Variants in EFHC1 observed in about 807,000 individuals in gnomAD.
EFHC1 encodes the protein EF-hand domain containing 1.
In EFHC1, 53 loss-of-function variants were observed where a neutral mutation model predicts 69.9. The ratio of observed to expected loss-of-function variants is 0.76; its 90% confidence interval spans 0.61 to 0.95. The LOEUF is 0.95. Ranked by LOEUF, EFHC1 falls within the 40% of genes least tolerant of loss-of-function variation. The pLI is 0.00. For missense variants in EFHC1, 739 were observed against 798.7 expected (o/e 0.93, Z 0.90); for synonymous variants, 256 against 278.4 (o/e 0.92, Z 0.80).
In EFHC1 at chr6:52,420,405, G is replaced by C. The variant is rs1764160216; in HGVS notation, c.-6G>C. The C allele has an allele frequency of 1.2e-5, 20 of 1,614,246 alleles. No homozygotes were observed. Among genetic ancestry groups the C allele is most frequent in the South Asian group, 3.3e-5 (3 of 91,088 alleles). The stretch of plus-strand genomic sequence containing the variant: ...GACCTAGGTGGCGGCGGTGGTACCG[G>C]CTGCAATGGTGTCCAATCCCGTGCA... On this transcript the variant is annotated 5_prime_UTR_variant, in exon 1 of 11. Coordinates refer to ENST00000371068, the MANE Select transcript of EFHC1 (RefSeq NM_018100.4).
chr6:52,496,750 C>CCAA lies in EFHC1; in HGVS notation c.*4411_*4413dup, dbSNP rs1228232244. On this transcript the variant is annotated 3_prime_UTR_variant, in exon 11 of 11. Transcript: ENST00000371068. ...CTAGCTTCTCATGGCAGAGCAGGAC[C>CCAA]CAACTCTACAATGAAGCTTGCCATG... 5.9e-5 allele frequency: 9 copies of CCAA among 152,272 alleles called. No homozygotes were observed. The highest frequency in any genetic ancestry group is 5.2e-4 in the Admixed American group (8 of 15,300). The allele number at this position is 152,272 out of a possible 1,614,324, so 9.4% of individuals were successfully genotyped here.
intron 5 of EFHC1, among the ~76,000 whole-genome samples, chr6:52,459,252 T>G (rs543032769): frequency 2.3e-4 from 35 of 152,288 alleles, no homozygotes; most frequent in Admixed American, 1.1e-3. Flanking sequence ...AAGTTTTGCT[T>G]TTCAAAAGAC....
chr6:52,481,570 CA>C (rs1181783441), intron 9 of EFHC1: 2 of 151,486 alleles, frequency 1.3e-5, no homozygotes, highest in Non-Finnish European at 2.9e-5. Context: ...CCCAGGCTGG[CA>C]TGCAGTGCCA....
In EFHC1 at chr6:52,490,730, G is replaced by A. The variant is rs561251444; in HGVS notation, c.1851+380G>A. 79 of 372,744 alleles carry A rather than the reference G, an allele frequency of 2.1e-4. 2 individuals are homozygous for A. The South Asian group carries it at 4.2e-3, about 20-fold the overall frequency. 23.1% of individuals were successfully genotyped at this position (372,744 alleles called of 1,614,324 possible). On this transcript the variant is annotated intron_variant, in intron 10 of 10. Coordinates refer to ENST00000371068, the MANE Select transcript of EFHC1 (RefSeq NM_018100.4). ...CCCTTCACAGCTGATACCTACACTGGCCCATCAGTAGGGTTAGCATGAAAG... is the reference window on the plus strand; with the variant it reads ...CCCTTCACAGCTGATACCTACACTGACCCATCAGTAGGGTTAGCATGAAAG...
chr6:52,453,545 G>A (rs1764965597), intron 4 of EFHC1: 1 of 1,275,196 alleles, frequency 7.8e-7, no homozygotes, highest in Admixed American at 2.4e-5. Flanking sequence ...TAAGGATTTT[G>A]TTCATATCAG....
At chr6:52,454,020 A>G (rs1437003065) in intron 4 of EFHC1, 75 bp from the exon 5 acceptor site, 7 of 1,608,908 alleles carry the variant, frequency 4.4e-6, no homozygotes, top group Non-Finnish European at 5.1e-6. Flanking sequence ...CATCGTTGAT[A>G]CATAATTGCC....
intron 5 of EFHC1, 117 bp from the exon 6 acceptor site, chr6:52,464,778 A>G: frequency 1.2e-6 from 1 of 833,762 alleles, no homozygotes; most frequent in Non-Finnish European, 2.0e-6. Context: ...CTGACTCTTG[A>G]CCAGAGCAAA....
chr6:52,450,222 G>C (rs556836051), intron 3 of EFHC1, among the ~76,000 whole-genome samples: 2 of 152,210 alleles, frequency 1.3e-5, no homozygotes, highest in African/African-American at 4.8e-5. Flanking sequence ...TTTTCTGTTT[G>C]ATTATGTGGT....
Position 52,494,935 on chromosome 6 carries a change from A to G in EFHC1, c.*2594A>G. 2.2e-6 allele frequency: 1 copy of G among 451,900 alleles called. No individual in the cohort carries two copies. Among genetic ancestry groups the G allele is most frequent in the South Asian group, 1.6e-5 (1 of 64,368 alleles). 28.0% of individuals were successfully genotyped at this position (451,900 alleles called of 1,614,324 possible). On this transcript the variant is annotated 3_prime_UTR_variant, in exon 11 of 11. Transcript: ENST00000371068. ...TAGATATACTTCATTTAAAAAATCT[A>G]ATCCACCATTGATTGGCACCTAGGT...
At chr6:52,431,193 A>G (rs962175157) in intron 2 of EFHC1, among the ~76,000 whole-genome samples, 2 of 151,318 alleles carry the variant, frequency 1.3e-5, no homozygotes, top group African/African-American at 4.9e-5. Flanking sequence ...GTTTATTTCA[A>G]TTTCATTTGT....
rs1327641197 is a variant in EFHC1 at position 52,492,356 on chromosome 6, A to T, written c.*15A>T. 1 of 1,611,574 alleles carries T rather than the reference A, an allele frequency of 6.2e-7. No individual in the cohort carries two copies. Reference sequence around the variant, plus strand: ...TCTCAAACTGACCTGCTGATGAGAAAATGCAAGACAATTTTTGATACTGGA... The same window carrying T: ...TCTCAAACTGACCTGCTGATGAGAATATGCAAGACAATTTTTGATACTGGA... On this transcript the variant is annotated 3_prime_UTR_variant, in exon 11 of 11. Transcript: ENST00000371068.
intron 7 of EFHC1, among the ~76,000 whole-genome samples, chr6:52,477,546 C>G (rs1339399522): frequency 6.6e-6 from 1 of 152,090 alleles, no homozygotes; most frequent in Non-Finnish European, 1.5e-5. Context: ...GGCTAATATC[C>G]AGCATCTACA....
rs535480481 is a variant in EFHC1, at chr6:52,495,056, G to A, written c.*2715G>A. The A allele has an allele frequency of 4.2e-5, 19 of 454,018 alleles. No individual in the cohort carries two copies. Among genetic ancestry groups the A allele is most frequent in the African/African-American group, 3.4e-4 (17 of 50,074 alleles). 28.1% of individuals were successfully genotyped at this position (454,018 alleles called of 1,614,324 possible). A position where few individuals can be genotyped will look rare whatever the true frequency, so the allele number is the denominator to read the frequency against. On this transcript the variant is annotated 3_prime_UTR_variant, in exon 11 of 11. Transcript: ENST00000371068. ...CAGTGCACCACTCTCAGATGGACGG[G>A]ACCCAGTCTGTACCTGATCACCCCG...
intron 1 of EFHC1, among the ~76,000 whole-genome samples, chr6:52,423,269 A>G (rs954960081): frequency 3.9e-5 from 6 of 152,230 alleles, no homozygotes; most frequent in Non-Finnish European, 7.3e-5. Context: ...TCTAGGTTCT[A>G]CAGTTTTTAC....
At chr6:52,490,110 T>A in intron 9 of EFHC1, 30 bp from the exon 10 acceptor site, 1 of 1,594,768 alleles carries the variant, frequency 6.3e-7, no homozygotes, top group Non-Finnish European at 8.6e-7. Flanking sequence ...ATAAATACCA[T>A]GTGCAGTCAT....
chr6:52,463,766 A>T (rs1304661741), intron 5 of EFHC1, among the ~76,000 whole-genome samples: 2 of 152,228 alleles, frequency 1.3e-5, no homozygotes, highest in Non-Finnish European at 2.9e-5. Context: ...TAATATAATC[A>T]CAAGCTATGT....
At chr6:52,457,282 G>C (rs1239350104) in intron 5 of EFHC1, among the ~76,000 whole-genome samples, 3 of 152,176 alleles carry the variant, frequency 2.0e-5, no homozygotes, top group African/African-American at 7.2e-5. Flanking sequence ...TGCAGACCGA[G>C]GTCAGAAGGA....
At chr6:52,452,123 C>T (rs1764928766) in intron 3 of EFHC1, among the ~76,000 whole-genome samples, 2 of 152,084 alleles carry the variant, frequency 1.3e-5, no homozygotes, top group Admixed American at 1.3e-4. Flanking sequence ...ATTGTGCCTC[C>T]CAACTAGCTT....
At chr6:52,481,793 G>A (rs1327873913) in intron 9 of EFHC1, 6 of 152,262 alleles carry the variant, frequency 3.9e-5, no homozygotes, top group Non-Finnish European at 1.5e-5. Context: ...TTACAGGCGT[G>A]AGCCATTGCT....
Sources: allele counts gnomAD v4.1 joint callset (sites outside exome capture counted in the v4.1 genomes callset), GRCh38; gene constraint gnomAD v4.1.1; transcripts MANE v1.5; gene names NCBI Gene and HGNC (gene_info 2026-07-23, HGNC 2026-07-21).